Variants in CMPK1 observed in about 807,000 individuals in gnomAD.
CMPK1 encodes the protein cytidine/uridine monophosphate kinase 1.
CMPK1 carries 10 observed loss-of-function variants against 25.7 expected under a neutral mutation model. The observed-to-expected ratio is 0.39, with a 90% CI of 0.24 to 0.66. The LOEUF (loss-of-function observed/expected upper bound fraction) is 0.66, where lower values mean the gene tolerates loss of function less well. Ranked by LOEUF, CMPK1 falls within the 30% of genes least tolerant of loss-of-function variation. CMPK1 has a pLI of 0.48. For synonymous variants in CMPK1, 106 were observed against 101.5 expected (o/e 1.04, Z -0.27); for missense variants, 199 against 280.5 (o/e 0.71, Z 2.08).
chr1:47,361,871 CTTTT>C (rs34928345), intron 1 of CMPK1, among the ~76,000 whole-genome samples: 6 of 125,920 alleles, frequency 4.8e-5, no homozygotes, highest in Non-Finnish European at 6.5e-5. Context: ...AAATACTACT[CTTTT>C]TTTTTTTTTT....
intron 1 of CMPK1, among the ~76,000 whole-genome samples, chr1:47,357,803 C>G (rs968963481): frequency 2.6e-5 from 4 of 151,862 alleles, no homozygotes; most frequent in African/African-American, 7.3e-5. Context: ...TTTTTTATGT[C>G]AAATACAATC....
chr1:47,369,642 AC>A (rs1646662839), intron 2 of CMPK1, among the ~76,000 whole-genome samples: 1 of 150,838 alleles, frequency 6.6e-6, no homozygotes, highest in East Asian at 2.0e-4. Context: ...GCTCACTGCA[AC>A]CTCTGCCTCC....
chr1:47,339,127 C>T (rs1407943851), intron 1 of CMPK1, among the ~76,000 whole-genome samples: 2 of 150,816 alleles, frequency 1.3e-5, no homozygotes, highest in East Asian at 1.9e-4. Context: ...CTCACTGCAA[C>T]CTCCGCCTCC....
intron 1 of CMPK1, chr1:47,358,421 T>C (rs1646578401): frequency 8.2e-7 from 1 of 1,212,420 alleles, no homozygotes; most frequent in African/African-American, 1.6e-5. Context: ...TCCCTGTTTT[T>C]AGAAGTTTGT....
At chr1:47,372,168 A>T (rs1232786697) in intron 2 of CMPK1, among the ~76,000 whole-genome samples, 1 of 147,110 alleles carries the variant, frequency 6.8e-6, no homozygotes, top group African/African-American at 2.5e-5. Flanking sequence ...ATCTCGGCTT[A>T]CTGAAACCTC....
chr1:47,373,400 C>T (rs12087353), intron 3 of CMPK1: 5,366 of 202,516 alleles, frequency 0.026, 317 homozygotes, highest in African/African-American at 0.12. Flanking sequence ...AGCTGAACTA[C>T]TTTCTTAGGT....
intron 2 of CMPK1, among the ~76,000 whole-genome samples, chr1:47,370,918 T>C (rs1646673979): frequency 6.6e-6 from 1 of 151,838 alleles, no homozygotes; most frequent in South Asian, 2.1e-4. Context: ...GATCGCACCA[T>C]TGTACTCCAG....
At chr1:47,362,610 G>C (rs1646611558) in intron 1 of CMPK1, among the ~76,000 whole-genome samples, 1 of 152,158 alleles carries the variant, frequency 6.6e-6, no homozygotes, top group Non-Finnish European at 1.5e-5. Context: ...ATGCCACCAC[G>C]CCTGGCTAAT....
chr1:47,355,964 C>T lies in CMPK1; in HGVS notation c.172-12505C>T, dbSNP rs553084946. ...CACCTTTGTATAGTGAAAATATTTT[C>T]CTCCAGGCTGTTACTTATTATCTGA... On this transcript the variant is annotated intron_variant, in intron 1 of 5. Transcript: ENST00000371873. Among the ~76,000 whole-genome samples the T allele has an allele frequency of 5.3e-5, 8 of 152,258 alleles. 1 individual carries two copies. In the South Asian group the frequency reaches 1.7e-3, roughly 32 times the overall value.
At chr1:47,342,649 C>CTTTT (rs11334963) in intron 1 of CMPK1, among the ~76,000 whole-genome samples, 30 of 116,426 alleles carry the variant, frequency 2.6e-4, no homozygotes, top group African/African-American at 4.2e-4. Context: ...TCTCTTTTTT[C>CTTTT]TTTTTTTTTT....
At chr1:47,370,364 C>T (rs1045634191) in intron 2 of CMPK1, among the ~76,000 whole-genome samples, 14 of 151,738 alleles carry the variant, frequency 9.2e-5, no homozygotes, top group South Asian at 2.1e-4. Context: ...TGAGGCTGGG[C>T]GCAGTGGCTC....
rs879678130 is a variant in CMPK1, at chr1:47,377,249, T to A, written c.*504T>A. The A allele has an allele frequency of 1.3e-5, 2 of 152,638 alleles. No individual in the cohort carries two copies. Among genetic ancestry groups the A allele is most frequent in the African/African-American group, 2.4e-5 (1 of 41,466 alleles). The allele number at this position is 152,638 out of a possible 1,614,324, so 9.5% of individuals were successfully genotyped here. A position where few individuals can be genotyped will look rare whatever the true frequency, so the allele number is the denominator to read the frequency against. ...AAATGGATTCTTAGGAGCATTTTAG[T>A]GTTTATTAAATAACTGACCATTTGC... On this transcript the variant is annotated 3_prime_UTR_variant, in exon 6 of 6. Coordinates refer to ENST00000371873, the MANE Select transcript of CMPK1 (RefSeq NM_016308.3).
intron 1 of CMPK1, among the ~76,000 whole-genome samples, chr1:47,352,322 A>G (rs1428135290): frequency 1.3e-5 from 2 of 152,130 alleles, no homozygotes; most frequent in East Asian, 3.9e-4. Context: ...TTAAAGTAAA[A>G]TGTTTTAAAT....
chr1:47,334,950 G>C (rs1025380388), intron 1 of CMPK1, among the ~76,000 whole-genome samples: 13 of 152,118 alleles, frequency 8.5e-5, no homozygotes, highest in Non-Finnish European at 1.3e-4. Flanking sequence ...TTTGCTTTGA[G>C]ACAGGTTACC....
chr1:47,375,872 C>T lies in CMPK1; in HGVS notation c.645+579C>T, dbSNP rs140219787. Among the ~76,000 whole-genome samples, 126 of 152,232 alleles carry T rather than the reference C, an allele frequency of 8.3e-4. 1 individual carries two copies. Among genetic ancestry groups the T allele is most frequent in the South Asian group, 2.7e-3 (13 of 4,822 alleles). The stretch of plus-strand genomic sequence containing the variant: ...TTAAGGAACCTAACCTCCCTTTCCC[C>T]GATTCCCTGAATCTTCATCCTCTTA... On this transcript the variant is annotated intron_variant, in intron 5 of 5. Coordinates refer to ENST00000371873, the MANE Select transcript of CMPK1 (RefSeq NM_016308.3).
chr1:47,368,407 AG>A, intron 1 of CMPK1, 61 bp from the exon 2 acceptor site: 1 of 1,373,368 alleles, frequency 7.3e-7, no homozygotes, highest in Non-Finnish European at 9.7e-7. Context: ...AAGGAAAAAA[AG>A]TATAGTCCTA....
chr1:47,359,647 C>T (rs1392074518), intron 1 of CMPK1, among the ~76,000 whole-genome samples: 2 of 151,914 alleles, frequency 1.3e-5, no homozygotes, highest in Non-Finnish European at 2.9e-5. Context: ...TCTCAGCCTC[C>T]CAAAGTGCTG....
intron 2 of CMPK1, among the ~76,000 whole-genome samples, chr1:47,371,923 A>G (rs945673749): frequency 6.6e-6 from 1 of 152,184 alleles, no homozygotes; most frequent in Non-Finnish European, 1.5e-5. Flanking sequence ...TGGTTCTGCC[A>G]TCTACCTAGC....
intron 1 of CMPK1, among the ~76,000 whole-genome samples, chr1:47,365,564 G>A (rs1646633605): frequency 6.9e-6 from 1 of 145,108 alleles, no homozygotes; most frequent in Non-Finnish European, 1.5e-5. Context: ...AGCCTAGGAG[G>A]TGGAGGTTAT....
Sources: allele counts gnomAD v4.1 joint callset (sites outside exome capture counted in the v4.1 genomes callset), GRCh38; gene constraint gnomAD v4.1.1; transcripts MANE v1.5; gene names NCBI Gene and HGNC (gene_info 2026-07-23, HGNC 2026-07-21).